NKD1: variants seen among roughly 807,000 people sequenced by gnomAD.
NKD1 encodes the protein protein naked cuticle homolog 1.
Under a neutral mutation model 56.0 loss-of-function variants are expected in NKD1, and 21 were observed. The ratio of observed to expected loss-of-function variants is 0.38; its 90% CI spans 0.27 to 0.54. NKD1 has a LOEUF of 0.54. Among genes scored for constraint, NKD1 ranks in the 20% least tolerant of loss-of-function variants. The pLI, the probability that NKD1 is intolerant of heterozygous loss-of-function variation, is 0.82. For missense variants in NKD1, 578 were observed against 642.7 expected (o/e 0.90, Z 1.09); for synonymous variants, 263 against 265.7 (o/e 0.99, Z 0.10).
Position 50,633,378 on chromosome 16 carries a change from G to A in NKD1, c.1010G>A (p.Gly337Asp). 1 of 1,614,104 alleles carries A rather than the reference G, an allele frequency of 6.2e-7. No homozygotes were observed. ...KVSELQQRLR[G>D]TQDGSKHFVR... ...TCAGAGCTCCAGCAACGGCTCCGGG[G>A]CACCCAGGACGGGAGCAAGCACTTT... The change falls in exon 10 of 10, where the codon GGC (glycine) becomes GAC (aspartate). Residue 337 changes from glycine (G) to aspartate (D), a missense_variant. Transcript: ENST00000268459. The surrounding 1 kb of genome is among the most constrained non-coding windows in gnomAD (Gnocchi z 4.9).
intron 3 of NKD1, among the ~76,000 whole-genome samples, chr16:50,568,736 ATGGAAGGGACTGTTCTTTCT>A (rs1567336537): frequency 6.6e-6 from 1 of 152,064 alleles, no homozygotes; most frequent in African/African-American, 2.4e-5. Context: ...ACCTCTGTAC[ATGGAAGGGACTGTTCTTTCT>A]TGGAAATTAG....
intron 3 of NKD1, among the ~76,000 whole-genome samples, chr16:50,580,467 G>C (rs1470504295): frequency 6.6e-6 from 1 of 152,266 alleles, no homozygotes; most frequent in East Asian, 1.9e-4. Flanking sequence ...GTGAATGCAA[G>C]AGAAAGCACT....
intron 3 of NKD1, among the ~76,000 whole-genome samples, chr16:50,561,485 C>G (rs369702212): frequency 2.0e-4 from 31 of 151,962 alleles, no homozygotes; most frequent in African/African-American, 7.0e-4. Context: ...GGAGGGTCAA[C>G]TTGTCTGTGG....
At chr16:50,603,387 G>T (rs1476852850) in intron 3 of NKD1, among the ~76,000 whole-genome samples, 1 of 152,202 alleles carries the variant, frequency 6.6e-6, no homozygotes, top group Non-Finnish European at 1.5e-5. Flanking sequence ...GCCTCAGTGT[G>T]CTGGGAAGAG....
chr16:50,554,414 G>A (rs1212993292), intron 3 of NKD1, among the ~76,000 whole-genome samples: 3 of 152,040 alleles, frequency 2.0e-5, no homozygotes, highest in Non-Finnish European at 4.4e-5. Context: ...ACTGTCAGCA[G>A]CAAAAAAAGA....
intron 3 of NKD1, among the ~76,000 whole-genome samples, chr16:50,554,394 T>G (rs1332333575): frequency 6.6e-6 from 1 of 152,090 alleles, no homozygotes; most frequent in Non-Finnish European, 1.5e-5. Context: ...GCAGGAAACA[T>G]CAAGGCTGAA....
chr16:50,605,577 C>T (rs1342093083), intron 3 of NKD1, among the ~76,000 whole-genome samples: 1 of 152,168 alleles, frequency 6.6e-6, no homozygotes, highest in Non-Finnish European at 1.5e-5. Context: ...CTTTTCTTGT[C>T]CTTATTCCCT....
At chr16:50,621,006 T>C (rs1015210599) in intron 4 of NKD1, among the ~76,000 whole-genome samples, 3 of 152,206 alleles carry the variant, frequency 2.0e-5, no homozygotes, top group African/African-American at 7.2e-5. Flanking sequence ...GCAGGTGTGA[T>C]GCATGAGTGT....
chr16:50,625,322 G>A, intron 5 of NKD1, 163 bp from the exon 6 acceptor site: 1 of 620,728 alleles, frequency 1.6e-6, no homozygotes, highest in Admixed American at 2.6e-5. Context: ...TGCCCTCCTG[G>A]GCCAGTTCTG....
Position 50,549,344 on chromosome 16 carries a change from G to A in NKD1, c.59-78G>A, listed in dbSNP as rs200194995. On this transcript the variant is annotated intron_variant, in intron 2 of 9. Coordinates refer to ENST00000268459, the MANE Select transcript of NKD1 (RefSeq NM_033119.5). The stretch of plus-strand genomic sequence containing the variant: ...GCCGTGGTCCTTCGCCTCCCACCGC[G>A]CCTCCTTCTTCCCTCCGCGGGGGTA... 662 of 1,539,398 alleles carry A rather than the reference G, an allele frequency of 4.3e-4. 3 individuals are homozygous for A. In the Middle Eastern group the frequency reaches 4.6e-3, roughly 11 times the overall value.
chr16:50,564,595 TG>T (rs1461244861), intron 3 of NKD1, among the ~76,000 whole-genome samples: 1 of 152,142 alleles, frequency 6.6e-6, no homozygotes, highest in Admixed American at 6.5e-5. Context: ...TTGCACTGAT[TG>T]GCACATGGCA....
At chr16:50,575,143 A>G (rs186619078) in intron 3 of NKD1, 2 of 983,228 alleles carry the variant, frequency 2.0e-6, no homozygotes, top group Non-Finnish European at 2.4e-6. Flanking sequence ...AAGATTTATT[A>G]GATTCTCTAC....
At chr16:50,588,468 G>A (rs1023057241) in intron 3 of NKD1, among the ~76,000 whole-genome samples, 3 of 152,186 alleles carry the variant, frequency 2.0e-5, no homozygotes, top group African/African-American at 7.2e-5. Flanking sequence ...ATCTGTTCTT[G>A]GCTGAAATGA....
chr16:50,628,329 C>T (rs892053413), intron 6 of NKD1, among the ~76,000 whole-genome samples: 17 of 152,318 alleles, frequency 1.1e-4, no homozygotes, highest in African/African-American at 1.7e-4. Context: ...GCGCCTCTGT[C>T]GGCCCCCATT....
chr16:50,636,878 G>T lies in NKD1; in HGVS notation c.*3097G>T, dbSNP rs1331065996. ...ATTTCGGATCTATTTTTAAGGGGGG[G>T]AACCCTGCAGTTACTGCTTAATCCT... On this transcript the variant is annotated 3_prime_UTR_variant, in exon 10 of 10. Coordinates refer to ENST00000268459, the MANE Select transcript of NKD1 (RefSeq NM_033119.5). 1 of 152,078 alleles carries T rather than the reference G, an allele frequency of 6.6e-6. No individual in the cohort carries two copies. Among genetic ancestry groups the T allele is most frequent in the Non-Finnish European group, 1.5e-5 (1 of 68,026 alleles). 9.4% of individuals were successfully genotyped at this position (152,078 alleles called of 1,614,324 possible). A position where few individuals can be genotyped will look rare whatever the true frequency, so the allele number is the denominator to read the frequency against.
At chr16:50,557,666 G>A (rs1960533052) in intron 3 of NKD1, 1 of 152,224 alleles carries the variant, frequency 6.6e-6, no homozygotes. Flanking sequence ...GGATTTCCTA[G>A]TGCAACCTTC....
At chr16:50,549,683 C>A in intron 3 of NKD1, 128 bp downstream of exon 3, 1 of 933,572 alleles carries the variant, frequency 1.1e-6, no homozygotes, top group Non-Finnish European at 1.5e-6. Context: ...CTCTTCTCAG[C>A]TGCCCCCTGC....
chr16:50,625,010 G>C (rs1177610312), intron 5 of NKD1, among the ~76,000 whole-genome samples: 10 of 152,164 alleles, frequency 6.6e-5, no homozygotes, highest in Admixed American at 3.9e-4. Flanking sequence ...GCAGAGGGCA[G>C]TGACATGCCC....
Position 50,589,751 on chromosome 16 carries a change from TCTC to T in NKD1, c.193-18542_193-18540del, listed in dbSNP as rs751893386. On this transcript the variant is annotated intron_variant, in intron 3 of 9. Transcript: ENST00000268459. ...TCTCTTCTCTTCTCTTCTCTTCTCT[TCTC>T]TTCTCTTCTCTCCTCTCCTCTCCTC... is the stretch of plus-strand genomic sequence containing the variant. Among the ~76,000 whole-genome samples the T allele has an allele frequency of 5.1e-3, 368 of 72,558 alleles. 3 individuals are homozygous for T. The highest frequency in any genetic ancestry group is 7.3e-3 in the Non-Finnish European group (270 of 36,790). The allele number at this position is 72,558 out of a possible 152,430, so 47.6% of individuals were successfully genotyped here. A position where few individuals can be genotyped will look rare whatever the true frequency, so the allele number is the denominator to read the frequency against.
Sources: gnomAD v4.1 joint callset for allele counts (sites outside exome capture counted in the v4.1 genomes callset) on GRCh38, gnomAD v4.1.1 for gene constraint, Gnocchi (gnomAD v3.1) non-coding constraint, MANE v1.5 for transcripts, NCBI Gene and HGNC (gene_info 2026-07-23, HGNC 2026-07-21) for gene names.